ANK3: variants seen among roughly 807,000 people sequenced by gnomAD.
The protein encoded by ANK3 is ankyrin-3.
In ANK3, 57 loss-of-function variants were observed where a neutral mutation model predicts 370.9. That is an observed-to-expected ratio of 0.15 (90% CI 0.12 to 0.19). The LOEUF is 0.19. Among genes scored for constraint, ANK3 ranks in the 10% least tolerant of loss-of-function variants. The pLI is 1.00. For missense variants in ANK3, 4,439 were observed against 5,302.1 expected, an observed-to-expected ratio of 0.84 and a Z score of 5.06; for synonymous variants, 1,929 against 1,946.3, an observed-to-expected ratio of 0.99 and a Z score of 0.23.
At chr10:60,085,685 G>A (rs977039827) in intron 30 of ANK3, among the ~76,000 whole-genome samples, 20 of 144,812 alleles carry the variant, frequency 1.4e-4, no homozygotes, top group South Asian at 2.2e-4. Flanking sequence ...GTGCGATCTC[G>A]GCTCACTGCA....
intron 7 of ANK3, among the ~76,000 whole-genome samples, chr10:60,242,962 G>A (rs558854770): frequency 2.0e-5 from 3 of 151,792 alleles, no homozygotes; most frequent in East Asian, 1.9e-4. Flanking sequence ...TATTTTTTTC[G>A]CTAGACCAGG....
chr10:60,305,393 A>T (rs1294258323), intron 1 of ANK3, among the ~76,000 whole-genome samples: 3 of 147,874 alleles, frequency 2.0e-5, no homozygotes, highest in Non-Finnish European at 4.5e-5. Context: ...TAGGCAGGAC[A>T]TTCGTGTCCT....
chr10:60,441,383 A>G (rs926023089), intron 2 of ANK3, among the ~76,000 whole-genome samples: 2 of 152,214 alleles, frequency 1.3e-5, no homozygotes, highest in East Asian at 1.9e-4. Flanking sequence ...TTTTATTAAC[A>G]AAGAATGAAC....
chr10:60,306,428 C>CAT (rs753175801), intron 1 of ANK3, among the ~76,000 whole-genome samples: 3,336 of 111,838 alleles, frequency 0.03, 43 homozygotes, highest in African/African-American at 0.043. Flanking sequence ...GGTGTATGTG[C>CAT]ATATATATAT....
chr10:60,080,371 T>A, intron 36 of ANK3, 166 bp downstream of exon 36: 6 of 577,178 alleles, frequency 1.0e-5, no homozygotes, highest in East Asian at 3.2e-5. Flanking sequence ...TTACCTCACA[T>A]CTTCAACTAG....
chr10:60,085,351 T>C, intron 30 of ANK3, 98 bp from the exon 31 acceptor site: 1 of 836,516 alleles, frequency 1.2e-6, no homozygotes, highest in East Asian at 2.7e-5. Flanking sequence ...AGCCACAAAC[T>C]GGCAAAACTT....
At chr10:60,307,512 T>A (rs1226081261) in intron 1 of ANK3, among the ~76,000 whole-genome samples, 2 of 151,472 alleles carry the variant, frequency 1.3e-5, no homozygotes, top group African/African-American at 2.4e-5. Context: ...TTTTTTTTTT[T>A]AATTTTTAGT....
At chr10:60,308,835 G>C (rs545694913) in intron 1 of ANK3, among the ~76,000 whole-genome samples, 3 of 152,234 alleles carry the variant, frequency 2.0e-5, no homozygotes, top group Admixed American at 1.3e-4. Flanking sequence ...GCCCCCAGGA[G>C]GCCTGGTTTA....
At chr10:60,170,705 A>G (rs965158420) in intron 21 of ANK3, among the ~76,000 whole-genome samples, 2 of 152,126 alleles carry the variant, frequency 1.3e-5, no homozygotes, top group African/African-American at 4.8e-5. Context: ...TCCTGTACAC[A>G]TTCTGTCTTC....
chr10:60,252,264 G>T (rs1343407819), intron 7 of ANK3, among the ~76,000 whole-genome samples: 1 of 152,166 alleles, frequency 6.6e-6, no homozygotes, highest in Non-Finnish European at 1.5e-5. Flanking sequence ...AAGAACTGCA[G>T]TGCTCAAGGA....
At chr10:60,188,971 T>A (rs957877766) in intron 16 of ANK3, among the ~76,000 whole-genome samples, 1 of 152,176 alleles carries the variant, frequency 6.6e-6, no homozygotes, top group Non-Finnish European at 1.5e-5. Flanking sequence ...ATATAATTAG[T>A]CAATGTGTCT....
rs540719898 is a variant in ANK3, at chr10:60,440,800, G to T, written c.97-161161C>A. On this transcript the variant is annotated intron_variant, in intron 2 of 43. Coordinates refer to the ANK3 transcript ENST00000373827. ...TGTTAAGAGACTTACGTAACAAAAG[G>T]TACATAAATTTCATCCAACCACCCA... Among the ~76,000 whole-genome samples, 7 of 152,270 alleles carry T rather than the reference G, an allele frequency of 4.6e-5. No individual in the cohort carries two copies. In the East Asian group the frequency reaches 1.2e-3, roughly 25 times the overall value.
chr10:60,210,214 A>T (rs2096831514), intron 9 of ANK3, among the ~76,000 whole-genome samples: 1 of 152,228 alleles, frequency 6.6e-6, no homozygotes, highest in African/African-American at 2.4e-5. Flanking sequence ...TCTATTGAAG[A>T]GAACCAGACA....
At position 60,070,948 on chromosome 10, in the gene ANK3, C is replaced by T. The variant is rs766293521; in HGVS notation, c.9933G>A (p.Gly3311=). The change falls in exon 37 of 44, where the codon GGG becomes GGA. Residue 3311 remains glycine, a synonymous_variant. Coordinates refer to ENST00000280772, the MANE Select transcript of ANK3 (RefSeq NM_020987.5). This position sits in a 1 kb window ranked among gnomAD's most constrained non-coding sequence, Gnocchi z 5.7. ...RVQPPSPVPP[G]ADVSDSSDDE... ...CATCGCTTGAATCACTGACGTCTGC[C>T]CCGGGAGGAACTGGTGAAGGTGGCT... 2 of 1,613,988 alleles carry T rather than the reference C, an allele frequency of 1.2e-6. No homozygotes were observed. The highest frequency in any genetic ancestry group is 2.7e-5 in the African/African-American group (2 of 74,920).
intron 2 of ANK3, among the ~76,000 whole-genome samples, chr10:60,587,837 G>T (rs1595324426): frequency 6.6e-6 from 1 of 152,174 alleles, no homozygotes; most frequent in South Asian, 2.1e-4. Flanking sequence ...GTTGATAAAA[G>T]CAAGTTTTTC....
chr10:60,499,615 C>A (rs1040952681), intron 2 of ANK3, among the ~76,000 whole-genome samples: 1 of 152,178 alleles, frequency 6.6e-6, no homozygotes, highest in Non-Finnish European at 1.5e-5. Flanking sequence ...CACAATGTTT[C>A]GCTAACATGG....
chr10:60,392,710 CT>C (rs1350626314), upstream of ANK3, among the ~76,000 whole-genome samples: 1 of 152,148 alleles, frequency 6.6e-6, no homozygotes, highest in Non-Finnish European at 1.5e-5. Context: ...GGGCAGATCA[CT>C]TGAGGTCAGG....
At chr10:60,647,130 T>C (rs2078719611) in intron 1 of ANK3, among the ~76,000 whole-genome samples, 1 of 152,184 alleles carries the variant, frequency 6.6e-6, no homozygotes, top group South Asian at 2.1e-4. Context: ...TGCCCGGCAC[T>C]GTGCTGAGCA....
chr10:60,549,558 T>C (rs1227276010), intron 2 of ANK3, among the ~76,000 whole-genome samples: 1 of 152,118 alleles, frequency 6.6e-6, no homozygotes, highest in Non-Finnish European at 1.5e-5. Flanking sequence ...TTATAACATA[T>C]TTTAACTCAC....
Sources: gnomAD v4.1 joint callset for allele counts (sites outside exome capture counted in the v4.1 genomes callset) on GRCh38, gnomAD v4.1.1 for gene constraint, Gnocchi (gnomAD v3.1) non-coding constraint, MANE v1.5 for transcripts, NCBI Gene and HGNC (gene_info 2026-07-23, HGNC 2026-07-21) for gene names.